Variants in RECQL5 observed in about 807,000 individuals in gnomAD.
RECQL5 encodes the protein RecQ like helicase 5.
RECQL5 carries 88 observed loss-of-function variants against 103.4 expected under a neutral mutation model. The ratio of observed to expected loss-of-function variants is 0.85; its 90% CI spans 0.72 to 1.02. RECQL5 has a LOEUF of 1.02. Among genes scored for constraint, RECQL5 ranks in the 50% least tolerant of loss-of-function variants. The pLI, the probability that RECQL5 is intolerant of heterozygous loss-of-function variation, is 0.00. For synonymous variants in RECQL5, 552 were observed against 507.9 expected, an observed-to-expected ratio of 1.09 and a Z score of -1.17; for missense variants, 1,232 against 1,284.3, an observed-to-expected ratio of 0.96 and a Z score of 0.62.
Position 75,667,124 on chromosome 17 carries a change from C to G in RECQL5, c.-95G>C, listed in dbSNP as rs2059798794. On this transcript the variant is annotated 5_prime_UTR_variant, in exon 1 of 20. Coordinates refer to ENST00000317905, the MANE Select transcript of RECQL5 (RefSeq NM_004259.7). ...GTTCGAAGACCCCTATACACAACCC[C>G]AACTCAGAGAAGCCAAAGCGCTGGG... 3.8e-6 allele frequency: 2 copies of G among 524,074 alleles called. No homozygotes were observed. The highest frequency in any genetic ancestry group is 6.8e-6 in the Non-Finnish European group (2 of 293,126). 32.5% of individuals were successfully genotyped at this position (524,074 alleles called of 1,614,324 possible).
chr17:75,627,560 T>TA (rs768360289), intron 19 of RECQL5, 38 bp from the exon 20 acceptor site: 13 of 1,609,990 alleles, frequency 8.1e-6, no homozygotes, highest in Non-Finnish European at 1.1e-5. Flanking sequence ...AGGTGAGCGT[T>TA]AGCCTCCTCC....
intron 3 of RECQL5, among the ~76,000 whole-genome samples, chr17:75,664,664 G>C (rs1453934907): frequency 6.6e-6 from 1 of 152,168 alleles, no homozygotes; most frequent in Non-Finnish European, 1.5e-5. Context: ...TGTAATCCCA[G>C]CACTTTGGGA....
chr17:75,640,954 G>A lies in RECQL5; in HGVS notation c.1230-9286C>T. The A allele has an allele frequency of 6.5e-7, 1 of 1,528,348 alleles. No homozygotes were observed. Among genetic ancestry groups the A allele is most frequent in the Non-Finnish European group, 8.8e-7 (1 of 1,139,448 alleles). 94.7% of individuals were successfully genotyped at this position (1,528,348 alleles called of 1,614,324 possible). On this transcript the variant is annotated intron_variant, in intron 8 of 19. Transcript: ENST00000317905. This position sits in a 1 kb window ranked among gnomAD's most constrained non-coding sequence, Gnocchi z 4.6. ...AGGAGATGGCCAATGCCATGACACA[G>A]GCCATCAGCCTGGCCCTGCAGCCCT...
At chr17:75,632,614 G>A (rs184372510) in intron 8 of RECQL5, among the ~76,000 whole-genome samples, 4 of 152,318 alleles carry the variant, frequency 2.6e-5, no homozygotes, top group Admixed American at 2.6e-4. Context: ...CCTGGGGTGA[G>A]CGGCCTCTGC....
intron 17 of RECQL5, 97 bp downstream of exon 17, chr17:75,628,575 A>G: frequency 2.7e-6 from 4 of 1,505,410 alleles, no homozygotes; most frequent in Admixed American, 2.2e-5. Flanking sequence ...TGTGGAAAGA[A>G]AGCTGATTTT....
chr17:75,628,177 C>T lies in RECQL5; in HGVS notation c.2805+41G>A, dbSNP rs372873031. The T allele has an allele frequency of 2.6e-6, 4 of 1,558,566 alleles. No homozygotes were observed. The African/African-American group carries it at 5.4e-5, about 21-fold the overall frequency. On this transcript the variant is annotated intron_variant, in intron 18 of 19. Coordinates refer to ENST00000317905, the MANE Select transcript of RECQL5 (RefSeq NM_004259.7). ...TCCCACCCCCACTACACCCACATAC[C>T]CCAGGCATGGGAGAAGGCAGAGCCC...
At position 75,630,259 on chromosome 17, in the gene RECQL5, C is replaced by A; in HGVS notation, c.1737G>T (p.Lys579Asn). The A allele has an allele frequency of 6.4e-7, 1 of 1,560,784 alleles. No homozygotes were observed. Among genetic ancestry groups the A allele is most frequent in the Non-Finnish European group, 8.7e-7 (1 of 1,151,528 alleles). Reference protein sequence around the residue: ...RTADEADLRAKAVELEHETFR... With the variant: ...RTADEADLRANAVELEHETFR... ...ATGTCTCATGTTCCAGCTCCACGGC[C>A]TTGGCCCGGAGGTCAGCTCTGTGGG... Residue 579 changes from lysine (K) to asparagine (N), a missense_variant, in exon 14 of 20, where the codon AAG becomes AAT. Transcript: ENST00000317905.
At chr17:75,641,681 G>A (rs1374065939) in intron 8 of RECQL5, among the ~76,000 whole-genome samples, 1 of 152,266 alleles carries the variant, frequency 6.6e-6, no homozygotes, top group Non-Finnish European at 1.5e-5. Flanking sequence ...CAGGAGCTAA[G>A]CTCAGGAACA....
intron 7 of RECQL5, among the ~76,000 whole-genome samples, chr17:75,657,130 A>G (rs1002361724): frequency 1.3e-5 from 2 of 152,114 alleles, no homozygotes; most frequent in African/African-American, 4.8e-5. Context: ...GCACTCTGGG[A>G]GCCTAAGGTG....
chr17:75,636,576 T>C lies in RECQL5; in HGVS notation c.1230-4908A>G, dbSNP rs1017767478. On this transcript the variant is annotated intron_variant, in intron 8 of 19. Coordinates refer to ENST00000317905, the MANE Select transcript of RECQL5 (RefSeq NM_004259.7). The surrounding 1 kb of genome is among the most constrained non-coding windows in gnomAD (Gnocchi z 5.4). ...ACAGTCACCTGACGGCTGCTGGTTA[T>C]ATTGGGCACCAAGTGTCAGGCACTC... 2 of 152,166 alleles carry C rather than the reference T, an allele frequency of 1.3e-5. No homozygotes were observed. Among genetic ancestry groups the C allele is most frequent in the Non-Finnish European group, 2.9e-5 (2 of 68,054 alleles). The allele number at this position is 152,166 out of a possible 1,614,324, so 9.4% of individuals were successfully genotyped here.
chr17:75,658,339 G>T lies in RECQL5; in HGVS notation c.1108C>A (p.Gln370Lys). 1 of 1,613,946 alleles carries T rather than the reference G, an allele frequency of 6.2e-7. No homozygotes were observed. Reference sequence around the variant, plus strand: ...TCCTTCCTGATCAGGAAGCTGACTTGGTCCCGGTCATTCCTGGAGTAATAG... The same window carrying T: ...TCCTTCCTGATCAGGAAGCTGACTTTGTCCCGGTCATTCCTGGAGTAATAG... ...RLYYSRNDRD[Q>K]VSFLIRKEVA... is the part of the protein sequence containing the mutation. Residue 370 changes from glutamine (Q) to lysine (K), a missense_variant, in exon 7 of 20, where the codon CAA (glutamine) becomes AAA (lysine). Transcript: ENST00000317905.
intron 8 of RECQL5, chr17:75,641,210 A>C: frequency 3.2e-6 from 1 of 309,936 alleles, no homozygotes. Flanking sequence ...GGGTCCCCAT[A>C]CCTTGATGGA....
chr17:75,641,027 GGTA>G, intron 8 of RECQL5: 1 of 1,445,872 alleles, frequency 6.9e-7, no homozygotes, highest in Non-Finnish European at 9.2e-7. Context: ...GCCCAGCCCA[GGTA>G]CCTGGACACT....
At chr17:75,661,804 T>A in intron 4 of RECQL5, 96 bp from the exon 5 acceptor site, 1 of 884,546 alleles carries the variant, frequency 1.1e-6, no homozygotes. Context: ...TCTGTGTTCC[T>A]TCTCTCGTCG....
At position 75,661,603 on chromosome 17, in the gene RECQL5, T is replaced by C. The variant is rs1182024044; in HGVS notation, c.874+3A>G. On this transcript the variant is annotated splice_donor_region_variant and intron_variant, in intron 5 of 19. Coordinates refer to ENST00000317905, the MANE Select transcript of RECQL5 (RefSeq NM_004259.7). ...AGACTCAAGTGGCCTGGGTGCCCCT[T>C]ACCTGCATGGTAAGCCTTGGCGTTC... The C allele has an allele frequency of 3.7e-6, 6 of 1,612,756 alleles. No homozygotes were observed. Among genetic ancestry groups the C allele is most frequent in the South Asian group, 2.2e-5 (2 of 91,042 alleles).
chr17:75,644,551 C>T (rs1184483735), intron 8 of RECQL5, among the ~76,000 whole-genome samples: 1 of 152,062 alleles, frequency 6.6e-6, no homozygotes, highest in Non-Finnish European at 1.5e-5. Flanking sequence ...TGGCACTGCA[C>T]TCCAGCCTGA....
At chr17:75,664,667 C>T (rs1390499430) in intron 3 of RECQL5, among the ~76,000 whole-genome samples, 1 of 151,922 alleles carries the variant, frequency 6.6e-6, no homozygotes, top group Non-Finnish European at 1.5e-5. Flanking sequence ...AATCCCAGCA[C>T]TTTGGGAGGC....
At chr17:75,657,348 G>C (rs1252069582) in intron 7 of RECQL5, among the ~76,000 whole-genome samples, 1 of 152,006 alleles carries the variant, frequency 6.6e-6, no homozygotes, top group Non-Finnish European at 1.5e-5. Flanking sequence ...TTACGCCTGT[G>C]AATCACCACT....
At chr17:75,643,772 C>A (rs2059459073) in intron 8 of RECQL5, among the ~76,000 whole-genome samples, 1 of 152,176 alleles carries the variant, frequency 6.6e-6, no homozygotes, top group South Asian at 2.1e-4. Flanking sequence ...ACTTGGTCAC[C>A]ACCTCTCTGT....
Sources: gnomAD v4.1 joint callset for allele counts (sites outside exome capture counted in the v4.1 genomes callset) on GRCh38, gnomAD v4.1.1 for gene constraint, Gnocchi (gnomAD v3.1) non-coding constraint, MANE v1.5 for transcripts, NCBI Gene and HGNC (gene_info 2026-07-23, HGNC 2026-07-21) for gene names.